RPTOR: variants seen among roughly 807,000 people sequenced by gnomAD.
The protein encoded by RPTOR is regulatory associated protein of MTOR complex 1.
Under a neutral mutation model 169.9 loss-of-function variants are expected in RPTOR, and 21 were observed. The ratio of observed to expected loss-of-function variants is 0.12; its 90% CI spans 0.09 to 0.18. RPTOR has a LOEUF of 0.18. RPTOR is among the 10% of genes least tolerant of loss of function. The pLI is 1.00. For synonymous variants in RPTOR, 732 were observed against 753.2 expected (o/e 0.97, Z 0.46); for missense variants, 1,133 against 1,855.9 (o/e 0.61, Z 7.16).
rs1326409862 is a variant in RPTOR at position 80,947,320 on chromosome 17, C to T, written c.3234C>T (p.Gly1078=). The T allele has an allele frequency of 3.1e-6, 5 of 1,588,896 alleles. No individual in the cohort carries two copies. Among genetic ancestry groups the T allele is most frequent in the Non-Finnish European group, 4.3e-6 (5 of 1,169,864 alleles). The stretch of plus-strand genomic sequence containing the variant: ...TCACTGCCATGGAGTATCTGAACGG[C>T]CAGGACTGCTCGCTTCTGCTGACGG... ...TRVTAMEYLN[G]QDCSLLLTAT... The change falls in exon 27 of 34, where the codon GGC becomes GGT. Residue 1078 remains glycine, a synonymous_variant. Transcript: ENST00000306801. The surrounding 1 kb of genome is among the most constrained non-coding windows in gnomAD (Gnocchi z 4.4).
At chr17:80,564,104 C>T (rs375536477) in intron 1 of RPTOR, among the ~76,000 whole-genome samples, 108 of 151,906 alleles carry the variant, frequency 7.1e-4, no homozygotes, top group Middle Eastern at 3.4e-3. Flanking sequence ...GCTCTGTCGC[C>T]CAGGCTGGAG....
intron 3 of RPTOR, among the ~76,000 whole-genome samples, chr17:80,700,834 G>GGTT (rs1194604384): frequency 6.6e-6 from 1 of 151,920 alleles, no homozygotes; most frequent in African/African-American, 2.4e-5. Context: ...TGGTGGTGGT[G>GGTT]GTGATGGTAG....
intron 3 of RPTOR, among the ~76,000 whole-genome samples, chr17:80,701,465 A>G (rs541492083): frequency 6.6e-6 from 1 of 152,330 alleles, no homozygotes; most frequent in Non-Finnish European, 1.5e-5. Context: ...GAGGCCTTCC[A>G]GGGAAATGCC....
intron 5 of RPTOR, among the ~76,000 whole-genome samples, chr17:80,742,648 CAT>C (rs979278826): frequency 4.6e-5 from 7 of 150,706 alleles, no homozygotes; most frequent in Non-Finnish European, 8.9e-5. Context: ...CATGTCCACA[CAT>C]ATAAACACAT....
intron 3 of RPTOR, among the ~76,000 whole-genome samples, chr17:80,666,344 A>C (rs1223308249): frequency 6.6e-6 from 1 of 152,182 alleles, no homozygotes; most frequent in Non-Finnish European, 1.5e-5. Flanking sequence ...AGCCTGCTGC[A>C]GACACAGAAG....
chr17:80,938,119 A>G (rs900651597), intron 24 of RPTOR, among the ~76,000 whole-genome samples: 1 of 152,232 alleles, frequency 6.6e-6, no homozygotes, highest in Non-Finnish European at 1.5e-5. Flanking sequence ...GTGCCGTGGC[A>G]ACAGGACAAG....
intron 6 of RPTOR, among the ~76,000 whole-genome samples, chr17:80,788,033 T>G (rs986072146): frequency 6.6e-6 from 1 of 152,262 alleles, no homozygotes; most frequent in Admixed American, 6.5e-5. Flanking sequence ...GCTTGTCATC[T>G]GAAAGTGTCT....
chr17:80,593,164 G>A (rs962378795), intron 1 of RPTOR: 1 of 152,796 alleles, frequency 6.5e-6, no homozygotes, highest in African/African-American at 2.4e-5. Flanking sequence ...GATGAAGTGA[G>A]CTTGTCACTT....
intron 6 of RPTOR, among the ~76,000 whole-genome samples, chr17:80,780,049 G>A (rs9911979): frequency 0.25 from 37,240 of 151,896 alleles, 4,621 homozygotes; most frequent in South Asian, 0.27. Context: ...CATTTTCCAC[G>A]CCTCTGGCTG....
At chr17:80,961,526 A>G (rs1249536428) in intron 31 of RPTOR, 46 bp downstream of exon 31, 3 of 1,524,312 alleles carry the variant, frequency 2.0e-6, no homozygotes, top group East Asian at 4.9e-5. Context: ...TAAAAACATT[A>G]TTTTCCCCTC....
chr17:80,831,063 G>T (rs140208965), intron 9 of RPTOR, among the ~76,000 whole-genome samples: 2 of 152,134 alleles, frequency 1.3e-5, no homozygotes, highest in African/African-American at 4.8e-5. Flanking sequence ...TCATTTTAAA[G>T]CAGCTCTTTG....
chr17:80,735,697 A>C (rs2066428427), intron 5 of RPTOR, among the ~76,000 whole-genome samples: 1 of 152,098 alleles, frequency 6.6e-6, no homozygotes, highest in Non-Finnish European at 1.5e-5. Context: ...AAAGATAATA[A>C]TGCCTTTCTT....
Position 80,936,867 on chromosome 17 carries a change from C to A in RPTOR, c.2920-3629C>A, listed in dbSNP as rs1299167322. Reference sequence around the variant, plus strand: ...CCGAGCTTCATTCAGAGCTTCTCCCCCCTCCACAGCTTGGCGATTTGTGGT... The same window carrying A: ...CCGAGCTTCATTCAGAGCTTCTCCCACCTCCACAGCTTGGCGATTTGTGGT... On this transcript the variant is annotated intron_variant, in intron 24 of 33. Transcript: ENST00000306801. The surrounding 1 kb of genome is among the most constrained non-coding windows in gnomAD (Gnocchi z 4.1). 1.3e-5 allele frequency among the ~76,000 whole-genome samples: 2 copies of A among 152,214 alleles called. No individual in the cohort carries two copies. Among genetic ancestry groups the A allele is most frequent in the Non-Finnish European group, 2.9e-5 (2 of 68,040 alleles).
chr17:80,839,864 A>G (rs1304327374), intron 10 of RPTOR, among the ~76,000 whole-genome samples: 1 of 152,228 alleles, frequency 6.6e-6, no homozygotes, highest in African/African-American at 2.4e-5. Flanking sequence ...TGTGCCAGGT[A>G]TCTTTGCCAA....
chr17:80,545,861 A>G, intron 1 of RPTOR, 70 bp downstream of exon 1: 1 of 1,379,018 alleles, frequency 7.3e-7, no homozygotes, highest in Admixed American at 2.3e-5. Flanking sequence ...CAGCCCGAAA[A>G]GTGTCCTTGG....
In RPTOR at chr17:80,805,854, G is replaced by A. The variant is rs1466331430; in HGVS notation, c.890+14345G>A. Among the ~76,000 whole-genome samples the A allele has an allele frequency of 5.3e-5, 8 of 152,070 alleles. No individual in the cohort carries two copies. In the South Asian group the frequency reaches 1.2e-3, roughly 24 times the overall value. On this transcript the variant is annotated intron_variant, in intron 7 of 33. Coordinates refer to ENST00000306801, the MANE Select transcript of RPTOR (RefSeq NM_020761.3). Reference sequence around the variant, plus strand: ...CTCCAGGAAGGGGCAATAATTTGTCGTTCTATAGTAAGTCAGGTAAAAGGT... The same window carrying A: ...CTCCAGGAAGGGGCAATAATTTGTCATTCTATAGTAAGTCAGGTAAAAGGT...
At position 80,807,613 on chromosome 17, in the gene RPTOR, A is replaced by G. The variant is rs369334088; in HGVS notation, c.891-14588A>G. 7.9e-5 allele frequency among the ~76,000 whole-genome samples: 12 copies of G among 152,214 alleles called. No individual in the cohort carries two copies. In the East Asian group the frequency reaches 2.3e-3, roughly 29 times the overall value. On this transcript the variant is annotated intron_variant, in intron 7 of 33. Coordinates refer to ENST00000306801, the MANE Select transcript of RPTOR (RefSeq NM_020761.3). ...GTGATCCGCCCACCTTGGCTTCCCA[A>G]AGGGCTGGGGTTACAGGCATGAGCC...
intron 9 of RPTOR, among the ~76,000 whole-genome samples, chr17:80,831,835 C>T (rs1046008893): frequency 1.3e-5 from 1 of 76,512 alleles, no homozygotes; most frequent in Admixed American, 1.4e-4. Flanking sequence ...CCCTGTGTGT[C>T]ACTGTGTATC....
intron 25 of RPTOR, 41 bp downstream of exon 25, chr17:80,940,642 G>T: frequency 6.6e-7 from 1 of 1,525,592 alleles, no homozygotes; most frequent in Non-Finnish European, 8.9e-7. Context: ...TCATTCCGGG[G>T]GTGGGGCCTG....
Sources: allele counts gnomAD v4.1 joint callset (sites outside exome capture counted in the v4.1 genomes callset), GRCh38; gene constraint gnomAD v4.1.1; non-coding constraint Gnocchi (gnomAD v3.1); transcripts MANE v1.5; gene names NCBI Gene and HGNC (gene_info 2026-07-23, HGNC 2026-07-21).